PRDM2: variants seen among roughly 807,000 people sequenced by gnomAD.
The protein encoded by PRDM2 is PR domain zinc finger protein 2.
A neutral mutation model predicts 130.0 loss-of-function variants in PRDM2; 30 were observed. The ratio of observed to expected loss-of-function variants is 0.23; its 90% CI spans 0.17 to 0.31. The LOEUF (loss-of-function observed/expected upper bound fraction) is 0.31, where lower values mean the gene tolerates loss of function less well. PRDM2 is among the 10% of genes least tolerant of loss of function. The pLI is 1.00. For synonymous variants in PRDM2, 871 were observed against 782.4 expected (o/e 1.11, Z -1.89); for missense variants, 2,011 against 2,108.4 (o/e 0.95, Z 0.90).
chr1:13,738,014 A>C (rs2100494530), intron 4 of PRDM2, among the ~76,000 whole-genome samples: 1 of 152,308 alleles, frequency 6.6e-6, no homozygotes, highest in African/African-American at 2.4e-5. Context: ...GGCTTCATGA[A>C]GTTCCTAACA....
intron 9 of PRDM2, among the ~76,000 whole-genome samples, chr1:13,822,135 G>A (rs1645362447): frequency 6.6e-6 from 1 of 152,186 alleles, no homozygotes; most frequent in Admixed American, 6.5e-5. Flanking sequence ...GGACCCAGCA[G>A]TCCCACTGCA....
Position 13,731,005 on chromosome 1 carries a change from T to G in PRDM2, c.15T>G (p.Thr5=). 6.2e-7 allele frequency: 1 copy of G among 1,607,416 alleles called. No individual in the cohort carries two copies. The highest frequency in any genetic ancestry group is 8.5e-7 in the Non-Finnish European group (1 of 1,177,772). The change falls in exon 3 of 10, where the codon ACT becomes ACG. Residue 5 remains threonine (T), a synonymous_variant. Transcript: ENST00000311066. The part of the protein sequence containing the change: MNQN[T]TEPVAATETL... ...TTCCATTTCTTGACTTGCAGAACAC[T>G]ACTGAGCCTGTGGCGGCCACCGAGA...
chr1:13,778,255 A>G (rs1398135254), intron 7 of PRDM2, among the ~76,000 whole-genome samples, 163 bp from the exon 8 acceptor site: 1 of 152,236 alleles, frequency 6.6e-6, no homozygotes, highest in African/African-American at 2.4e-5. Context: ...ATCCAATACA[A>G]CTTTGTCAAT....
intron 8 of PRDM2, among the ~76,000 whole-genome samples, chr1:13,814,673 C>T (rs1645229276): frequency 6.6e-6 from 1 of 152,180 alleles, no homozygotes; most frequent in African/African-American, 2.4e-5. Context: ...ACGATGTCTC[C>T]ACACATTACC....
chr1:13,801,509 TG>T (rs1645006519), intron 8 of PRDM2, among the ~76,000 whole-genome samples: 1 of 152,196 alleles, frequency 6.6e-6, no homozygotes, highest in African/African-American at 2.4e-5. Context: ...TGGAGGTAAA[TG>T]GCTCGGGCTT....
At chr1:13,813,927 G>A (rs1193809516) in intron 8 of PRDM2, among the ~76,000 whole-genome samples, 1 of 152,220 alleles carries the variant, frequency 6.6e-6, no homozygotes, top group Non-Finnish European at 1.5e-5. Context: ...ATTTTTGTGT[G>A]ATTGATCTGG....
In PRDM2 at chr1:13,782,796, G is replaced by C; in HGVS notation, c.5001G>C (p.Glu1667Asp). 1 of 1,608,950 alleles carries C rather than the reference G, an allele frequency of 6.2e-7. No individual in the cohort carries two copies. The highest frequency in any genetic ancestry group is 8.5e-7 in the Non-Finnish European group (1 of 1,178,844). The change falls in exon 8 of 10, where the codon GAG becomes GAC. Residue 1667 changes from glutamate (E) to aspartate (D), a missense_variant. By Grantham distance (45) the Glu-to-Asp change is conservative. Around this residue, in one of 5 missense-constraint regions of PRDM2, gnomAD observed 410 missense variants for 395.9 expected, o/e 1.04. Coordinates refer to ENST00000311066, the MANE Select transcript of PRDM2 (RefSeq NM_001393986.1). Reference sequence around the variant, plus strand: ...CTGACTTGAGTGAGAACAAGAGAGAGGACGGCAGCGCCAAGCAGGAGCTGA... The same window carrying C: ...CTGACTTGAGTGAGAACAAGAGAGACGACGGCAGCGCCAAGCAGGAGCTGA... ...AAADLSENKR[E>D]DGSAKQELKD...
intron 8 of PRDM2, among the ~76,000 whole-genome samples, chr1:13,808,760 A>T (rs889919467): frequency 1.3e-5 from 2 of 152,182 alleles, no homozygotes; most frequent in African/African-American, 4.8e-5. Context: ...TGATGAACAA[A>T]ACTCAACCAC....
At chr1:13,746,568 A>T (rs996873867) in intron 5 of PRDM2, among the ~76,000 whole-genome samples, 3 of 146,098 alleles carry the variant, frequency 2.1e-5, no homozygotes, top group East Asian at 2.0e-4. Context: ...TTATTTATTT[A>T]TTTTTTAAGA....
At chr1:13,795,846 C>T (rs937416830) in intron 8 of PRDM2, among the ~76,000 whole-genome samples, 1 of 152,182 alleles carries the variant, frequency 6.6e-6, no homozygotes, top group Non-Finnish European at 1.5e-5. Flanking sequence ...TCTATTTTCA[C>T]AGAAGTCTTT....
At chr1:13,775,242 C>G (rs1175245484) in intron 7 of PRDM2, among the ~76,000 whole-genome samples, 1 of 152,202 alleles carries the variant, frequency 6.6e-6, no homozygotes, top group Non-Finnish European at 1.5e-5. Context: ...TTACTTTGGA[C>G]AGTTTTATAT....
intron 7 of PRDM2, among the ~76,000 whole-genome samples, chr1:13,774,624 C>G (rs762815818): frequency 1.9e-4 from 29 of 152,092 alleles, no homozygotes; most frequent in Non-Finnish European, 3.5e-4. Context: ...TCACCTACTC[C>G]CCTTCAGTAA....
In PRDM2 at chr1:13,722,028, A is replaced by G. The variant is rs78121273; in HGVS notation, c.9+6414A>G. Among the ~76,000 whole-genome samples the G allele has an allele frequency of 7.9e-3, 1,202 of 152,310 alleles. 10 individuals are homozygous for G. The highest frequency in any genetic ancestry group is 0.014 in the Non-Finnish European group (982 of 68,018). On this transcript the variant is annotated intron_variant, in intron 2 of 9. Coordinates refer to ENST00000311066, the MANE Select transcript of PRDM2 (RefSeq NM_001393986.1). ...GAAACACCGTAAATTATTATTTATT[A>G]CTGTTATTTTTCAGCCGGTAACCAT...
At chr1:13,810,644 G>A (rs1165434657) in intron 8 of PRDM2, among the ~76,000 whole-genome samples, 5 of 151,868 alleles carry the variant, frequency 3.3e-5, no homozygotes, top group South Asian at 2.1e-4. Flanking sequence ...ACAGGCGCCC[G>A]CCACCACACC....
intron 6 of PRDM2, among the ~76,000 whole-genome samples, chr1:13,750,655 CAGTT>C (rs1165270730): frequency 5.9e-5 from 9 of 152,092 alleles, no homozygotes; most frequent in African/African-American, 1.9e-4. Context: ...CCCCGTGAAA[CAGTT>C]AGTAGGCCTA....
intron 1 of PRDM2, among the ~76,000 whole-genome samples, chr1:13,703,207 A>T (rs1223295474): frequency 6.6e-6 from 1 of 152,148 alleles, no homozygotes; most frequent in Admixed American, 6.5e-5. Flanking sequence ...GAGTTTCTCA[A>T]CCTCTGCACT....
chr1:13,705,998 A>G (rs915646257), intron 1 of PRDM2, among the ~76,000 whole-genome samples: 2 of 151,518 alleles, frequency 1.3e-5, no homozygotes, highest in Admixed American at 6.6e-5. Flanking sequence ...AAAAAAAAAA[A>G]AAAAAAATGG....
At chr1:13,788,726 A>G (rs1421270414) in intron 8 of PRDM2, among the ~76,000 whole-genome samples, 1 of 152,258 alleles carries the variant, frequency 6.6e-6, no homozygotes, top group Non-Finnish European at 1.5e-5. Flanking sequence ...TTCAACACAC[A>G]GCAGTGCCCT....
chr1:13,728,151 A>C (rs990406317), intron 2 of PRDM2, among the ~76,000 whole-genome samples: 2 of 152,228 alleles, frequency 1.3e-5, no homozygotes, highest in Non-Finnish European at 1.5e-5. Flanking sequence ...TTTTAAAAAA[A>C]GCTTTAAGTT....
Sources: allele counts gnomAD v4.1 joint callset (sites outside exome capture counted in the v4.1 genomes callset), GRCh38; gene constraint gnomAD v4.1.1; regional missense constraint gnomAD v4.1.1; transcripts MANE v1.5; gene names NCBI Gene and HGNC (gene_info 2026-07-23, HGNC 2026-07-21).